Variants in GPHN observed in about 807,000 individuals in gnomAD.
The protein encoded by GPHN is gephyrin.
A neutral mutation model predicts 95.5 loss-of-function variants in GPHN; 17 were observed. The ratio of observed to expected loss-of-function variants is 0.18; its 90% CI spans 0.12 to 0.27. The LOEUF (loss-of-function observed/expected upper bound fraction) is 0.27, where lower values mean the gene tolerates loss of function less well. Ranked by LOEUF, GPHN falls within the 10% of genes least tolerant of loss-of-function variation. The probability of loss-of-function intolerance (pLI) is 1.00; values close to 1 mark genes in which losing one functional copy is unlikely to be tolerated. For synonymous variants in GPHN, 320 were observed against 322.5 expected (o/e 0.99, Z 0.08); for missense variants, 660 against 978.1 (o/e 0.67, Z 4.34).
chr14:66,516,125 G>A lies in GPHN; in HGVS notation c.64+7534G>A, dbSNP rs542938023. Among the ~76,000 whole-genome samples, 6 of 151,242 alleles carry A rather than the reference G, an allele frequency of 4.0e-5. No homozygotes were observed. The East Asian group carries it at 1.2e-3, about 29-fold the overall frequency. ...GGGTTCAAGTGATTCTCCTGCCTCA[G>A]CCTCCCGAGTAGCTGGGATTACAGG... On this transcript the variant is annotated intron_variant, in intron 1 of 22. Coordinates refer to ENST00000478722, the MANE Select transcript of GPHN (RefSeq NM_020806.5).
At chr14:67,665,299 G>A in the GPHN span, among the ~76,000 whole-genome samples, 3 of 140,854 alleles carry the variant, frequency 2.1e-5, no homozygotes, top group South Asian at 6.6e-4. Flanking sequence ...CACTCAGGCT[G>A]GAGTGAAGTG....
chr14:66,999,731 T>G (rs1017627526), intron 9 of GPHN, among the ~76,000 whole-genome samples: 2 of 151,934 alleles, frequency 1.3e-5, no homozygotes, highest in Non-Finnish European at 2.9e-5. Flanking sequence ...CAGAGTTCCC[T>G]TTTCAAATCC....
the GPHN span, among the ~76,000 whole-genome samples, chr14:67,306,195 C>T: frequency 6.6e-6 from 1 of 152,194 alleles, no homozygotes; most frequent in Non-Finnish European, 1.5e-5. Context: ...GTCTCGAACT[C>T]CTGACCTCAG....
At chr14:67,129,499 A>G (rs139938182) in intron 17 of GPHN, among the ~76,000 whole-genome samples, 54 of 152,342 alleles carry the variant, frequency 3.5e-4, no homozygotes, top group Non-Finnish European at 7.2e-4. Context: ...CTTAATGTCT[A>G]TATTGACTTT....
the GPHN span, among the ~76,000 whole-genome samples, chr14:67,597,076 T>C: frequency 6.6e-6 from 1 of 152,356 alleles, no homozygotes; most frequent in East Asian, 1.9e-4. Context: ...CTGGCCCATC[T>C]CAAGCAAAGA....
intron 10 of GPHN, among the ~76,000 whole-genome samples, chr14:67,052,835 C>T (rs376360288): frequency 1.3e-4 from 20 of 152,180 alleles, no homozygotes; most frequent in African/African-American, 4.3e-4. Flanking sequence ...GCAACCTGCC[C>T]CTGAATGACT....
intron 9 of GPHN, among the ~76,000 whole-genome samples, chr14:66,968,292 G>A (rs963277291): frequency 1.5e-4 from 23 of 151,996 alleles, no homozygotes; most frequent in African/African-American, 4.8e-4. Flanking sequence ...AAAGAAAAGA[G>A]TTTAATGCAT....
At chr14:67,200,362 A>G in the GPHN span, 1 of 630,288 alleles carries the variant, frequency 1.6e-6, no homozygotes, top group Admixed American at 3.2e-5. Flanking sequence ...ACATCTTCCC[A>G]ATATCTTTTC....
At chr14:66,787,124 A>G (rs750063552) in intron 3 of GPHN, among the ~76,000 whole-genome samples, 1 of 152,142 alleles carries the variant, frequency 6.6e-6, no homozygotes, top group African/African-American at 2.4e-5. Context: ...AAAAATGACT[A>G]TAAGAATAAG....
At position 67,165,242 on chromosome 14, in the gene GPHN, T is replaced by TGTTTC. The variant is rs1304645222; in HGVS notation, c.1975+17_1975+21dup. ...GCACTACCTGGTAAGAATAACAAAT[T>TGTTTC]GTTTCCTTTCCTTTTTCTGGAAAAA... On this transcript the variant is annotated intron_variant, in intron 20 of 22. Coordinates refer to ENST00000478722, the MANE Select transcript of GPHN (RefSeq NM_020806.5). 5 of 1,566,666 alleles carry TGTTTC rather than the reference T, an allele frequency of 3.2e-6. No individual in the cohort carries two copies. The South Asian group carries it at 5.5e-5, about 17-fold the overall frequency.
intron 1 of GPHN, among the ~76,000 whole-genome samples, chr14:66,625,624 T>G (rs946570186): frequency 2.6e-5 from 4 of 152,192 alleles, no homozygotes; most frequent in Non-Finnish European, 4.4e-5. Context: ...ATTCCAAGAA[T>G]TCTTCCTCCA....
At chr14:67,695,601 T>G in the GPHN span, 1 of 1,598,210 alleles carries the variant, frequency 6.3e-7, no homozygotes, top group Non-Finnish European at 8.5e-7. Context: ...ACAAGAATTC[T>G]CAAGAGAAGG....
intron 2 of GPHN, among the ~76,000 whole-genome samples, chr14:66,716,046 T>A (rs1056528085): frequency 6.6e-6 from 1 of 152,072 alleles, no homozygotes; most frequent in African/African-American, 2.4e-5. Context: ...TTAAATTGAT[T>A]GTTTCTTTGT....
At chr14:66,902,266 T>G (rs1350923535) in intron 5 of GPHN, among the ~76,000 whole-genome samples, 19 of 152,064 alleles carry the variant, frequency 1.2e-4, no homozygotes, top group Non-Finnish European at 1.5e-5. Context: ...CCAACAGTGT[T>G]TTAGTGGAGT....
chr14:67,332,171 C>T, the GPHN span, among the ~76,000 whole-genome samples: 1 of 152,246 alleles, frequency 6.6e-6, no homozygotes, highest in African/African-American at 2.4e-5. Context: ...ACCCATGTGC[C>T]TGATAATTAG....
chr14:67,252,406 T>A, the GPHN span, among the ~76,000 whole-genome samples: 1 of 152,118 alleles, frequency 6.6e-6, no homozygotes, highest in Non-Finnish European at 1.5e-5. Flanking sequence ...CCTCCAGCCT[T>A]GGCCTCCCAA....
the GPHN span, among the ~76,000 whole-genome samples, chr14:67,429,564 C>T: frequency 1.3e-5 from 2 of 151,238 alleles, no homozygotes; most frequent in Non-Finnish European, 3.0e-5. Context: ...AGTGAAACCC[C>T]ATCTCTACTA....
At chr14:67,379,166 A>G in the GPHN span, among the ~76,000 whole-genome samples, 1 of 152,124 alleles carries the variant, frequency 6.6e-6, no homozygotes, top group African/African-American at 2.4e-5. Context: ...CAGGGCTGTG[A>G]TGAATAGTGT....
At chr14:66,514,890 G>A (rs1259509290) in intron 1 of GPHN, among the ~76,000 whole-genome samples, 2 of 152,058 alleles carry the variant, frequency 1.3e-5, no homozygotes, top group Non-Finnish European at 2.9e-5. Context: ...GCTGCATGGT[G>A]TAGCTTAAAA....
Sources: allele counts gnomAD v4.1 joint callset (sites outside exome capture counted in the v4.1 genomes callset), GRCh38; gene constraint gnomAD v4.1.1; transcripts MANE v1.5; gene names NCBI Gene and HGNC (gene_info 2026-07-23, HGNC 2026-07-21).